Variants in CAVIN2 observed in about 807,000 individuals in gnomAD.
CAVIN2 encodes caveolae-associated protein 2.
In CAVIN2, 13 loss-of-function variants were observed where a neutral mutation model predicts 11.7. The observed-to-expected ratio is 1.11, with a 90% confidence interval of 0.72 to 1.77. The LOEUF is 1.77. Among genes scored for constraint, CAVIN2 ranks in the 40% most tolerant of loss-of-function variants. The pLI is 0.00. For synonymous variants in CAVIN2, 237 were observed against 223.2 expected (o/e 1.06, Z -0.55); for missense variants, 549 against 542.9 (o/e 1.01, Z -0.11).
chr2:191,837,619 G>A (rs1690041691), intron 1 of CAVIN2, among the ~76,000 whole-genome samples: 1 of 152,148 alleles, frequency 6.6e-6, no homozygotes, highest in Admixed American at 6.5e-5. Flanking sequence ...GGCTCCTCTT[G>A]GCTCTCAAGG....
At chr2:191,842,029 CT>C (rs1327529292) in intron 1 of CAVIN2, among the ~76,000 whole-genome samples, 1 of 152,132 alleles carries the variant, frequency 6.6e-6, no homozygotes, top group Non-Finnish European at 1.5e-5. Context: ...CTTTTATTAC[CT>C]ATATCCTCAT....
At chr2:191,838,164 G>A (rs558119655) in intron 1 of CAVIN2, among the ~76,000 whole-genome samples, 4 of 152,312 alleles carry the variant, frequency 2.6e-5, no homozygotes, top group Admixed American at 6.5e-5. Flanking sequence ...GGACTTAAAC[G>A]TCATGCAAAG....
In CAVIN2 at chr2:191,846,791, C is replaced by T; in HGVS notation, c.135G>A (p.Glu45=). 6.2e-7 allele frequency: 1 copy of T among 1,614,202 alleles called. No homozygotes were observed. Among genetic ancestry groups the T allele is most frequent in the Non-Finnish European group, 8.5e-7 (1 of 1,180,044 alleles). The change falls in exon 1 of 2, where the codon GAG becomes GAA. Residue 45 remains glutamate, a synonymous_variant. Coordinates refer to ENST00000304141, the MANE Select transcript of CAVIN2 (RefSeq NM_004657.6). ...SPSLNLGNTE[E]AIRDNSQVNA... ...TCACCTGTGAGTTGTCCCGGATGGC[C>T]TCCTCTGTGTTCCCTAGGTTCAGGC...
chr2:191,843,224 A>G lies in CAVIN2; in HGVS notation c.483+3219T>C, dbSNP rs1328241909. 2.0e-5 allele frequency among the ~76,000 whole-genome samples: 3 copies of G among 152,318 alleles called. No individual in the cohort carries two copies. In the East Asian group the frequency reaches 5.8e-4, roughly 29 times the overall value. On this transcript the variant is annotated intron_variant, in intron 1 of 1. Transcript: ENST00000304141. ...AAAAAATGTGTAAGTATCTTCAACC[A>G]CTAACCAAAACAGACCTGTAGATTT...
Position 191,835,942 on chromosome 2 carries a change from T to A in CAVIN2, c.1259A>T (p.Gln420Leu), listed in dbSNP as rs115084436. ...DGDPVQPAVL[Q>L]VHQTS ...CTAAGCTCAGGAGGTCTGGTGCACC[T>A]GGAGCACGGCGGGCTGCACGGGGTC... Residue 420 changes from glutamine to leucine, a missense_variant, in exon 2 of 2, where the codon CAG becomes CTG. Transcript: ENST00000304141. 2.5e-6 allele frequency: 4 copies of A among 1,612,834 alleles called. No homozygotes were observed. Among genetic ancestry groups the A allele is most frequent in the Non-Finnish European group, 3.4e-6 (4 of 1,179,770 alleles).
Position 191,846,526 on chromosome 2 carries a change from T to A in CAVIN2, c.400A>T (p.Arg134Trp). The A allele has an allele frequency of 1.2e-6, 2 of 1,614,264 alleles. No individual in the cohort carries two copies. The highest frequency in any genetic ancestry group is 1.7e-6 in the Non-Finnish European group (2 of 1,180,038). ...AGCCGCTTCACCTGTGCGCACTGCCTATCCATGCGCTCTTTGACCGCGCGC... is the reference window on the plus strand; with the variant it reads ...AGCCGCTTCACCTGTGCGCACTGCCAATCCATGCGCTCTTTGACCGCGCGC... The part of the protein sequence containing the change: ...HTRAVKERMD[R>W]QCAQVKRLEN... The change falls in exon 1 of 2, where the codon AGG becomes TGG. Residue 134 changes from arginine to tryptophan, a missense_variant. By Grantham distance (101) the Arg-to-Trp change is moderately radical (BLOSUM62 -3). Transcript: ENST00000304141.
intron 1 of CAVIN2, among the ~76,000 whole-genome samples, chr2:191,842,283 C>T (rs146402435): frequency 1.2e-4 from 19 of 152,266 alleles, no homozygotes; most frequent in African/African-American, 7.2e-5. Context: ...TTTATGTGGA[C>T]GAAAGTGTAA....
At chr2:191,841,312 A>C (rs1365745416) in intron 1 of CAVIN2, among the ~76,000 whole-genome samples, 1 of 152,236 alleles carries the variant, frequency 6.6e-6, no homozygotes, top group African/African-American at 2.4e-5. Context: ...AAACAAAAAA[A>C]CCAAAGCACA....
chr2:191,835,884 C>T lies in CAVIN2; in HGVS notation c.*39G>A, dbSNP rs764468583. On this transcript the variant is annotated 3_prime_UTR_variant, in exon 2 of 2. Coordinates refer to ENST00000304141, the MANE Select transcript of CAVIN2 (RefSeq NM_004657.6). ...AGTTTGTTCTTCAGCCCTGGCTGCCCGCTTGAGCACAGCACAGGATGGCAC... is the reference window on the plus strand; with the variant it reads ...AGTTTGTTCTTCAGCCCTGGCTGCCTGCTTGAGCACAGCACAGGATGGCAC... 6 of 1,568,582 alleles carry T rather than the reference C, an allele frequency of 3.8e-6. No individual in the cohort carries two copies. In the Admixed American group the frequency reaches 5.3e-5, roughly 14 times the overall value.
chr2:191,838,681 C>A (rs1574194423), intron 1 of CAVIN2, among the ~76,000 whole-genome samples: 1 of 152,292 alleles, frequency 6.6e-6, no homozygotes, highest in African/African-American at 2.4e-5. Context: ...TTTCAAGTTG[C>A]GGTTGCCTCT....
At position 191,835,864 on chromosome 2, in the gene CAVIN2, G is replaced by T; in HGVS notation, c.*59C>A. ...TCGTGCTGGAGATGTGCAAGAGTTT[G>T]TTCTTCAGCCCTGGCTGCCCGCTTG... On this transcript the variant is annotated 3_prime_UTR_variant, in exon 2 of 2. Coordinates refer to ENST00000304141, the MANE Select transcript of CAVIN2 (RefSeq NM_004657.6). The T allele has an allele frequency of 6.6e-7, 1 of 1,521,776 alleles. No individual in the cohort carries two copies. The highest frequency in any genetic ancestry group is 8.9e-7 in the Non-Finnish European group (1 of 1,128,862). The allele number at this position is 1,521,776 out of a possible 1,614,324, so 94.3% of individuals were successfully genotyped here.
intron 1 of CAVIN2, among the ~76,000 whole-genome samples, chr2:191,844,445 T>A (rs1286556239): frequency 6.6e-6 from 1 of 152,146 alleles, no homozygotes; most frequent in Non-Finnish European, 1.5e-5. Context: ...TTAAGAAAGG[T>A]CCAGTCACTT....
chr2:191,836,694 G>A lies in CAVIN2; in HGVS notation c.507C>T (p.Ser169=), dbSNP rs1690027371. 6.2e-7 allele frequency: 1 copy of A among 1,612,708 alleles called. No individual in the cohort carries two copies. Among genetic ancestry groups the A allele is most frequent in the South Asian group, 1.1e-5 (1 of 90,976 alleles). Residue 169 remains serine (S), a synonymous_variant, in exon 2 of 2, where the codon AGC becomes AGT. Coordinates refer to ENST00000304141, the MANE Select transcript of CAVIN2 (RefSeq NM_004657.6). The part of the protein sequence containing the change: ...IFQEENEIPA[S]VFVKQPVSGA... ...CGGAAACGGGCTGTTTCACAAACAC[G>A]CTGGCAGGGATCTCATTTTCCTCCT...
rs1270345790 is a variant in CAVIN2 at position 191,836,639 on chromosome 2, C to T, written c.562G>A (p.Asp188Asn). Residue 188 changes from aspartate to asparagine, a missense_variant, in exon 2 of 2, where the codon GAT (aspartate) becomes AAT (asparagine). Coordinates refer to ENST00000304141, the MANE Select transcript of CAVIN2 (RefSeq NM_004657.6). Reference sequence around the variant, plus strand: ...GTTTCCTCCAGGGATTTGTTTTCATCCGGAAGCTCCTCCTTCCCTTCCACG... The same window carrying T: ...GTTTCCTCCAGGGATTTGTTTTCATTCGGAAGCTCCTCCTTCCCTTCCACG... ...GAVEGKEELP[D>N]ENKSLEETLH... The T allele has an allele frequency of 1.2e-6, 2 of 1,614,116 alleles. No homozygotes were observed. The highest frequency in any genetic ancestry group is 4.5e-5 in the East Asian group (2 of 44,886).
At chr2:191,837,836 G>A (rs1690044095) in intron 1 of CAVIN2, among the ~76,000 whole-genome samples, 1 of 152,278 alleles carries the variant, frequency 6.6e-6, no homozygotes, top group Non-Finnish European at 1.5e-5. Context: ...AGTAGTGAAT[G>A]TGTGGCCAGA....
At position 191,847,048 on chromosome 2, in the gene CAVIN2, C is replaced by A; in HGVS notation, c.-123G>T. ...GAGCTCAGGGCACCAGTCTCCAGGA[C>A]TGGCAGAGGTTCAGACAGGCAACAA... On this transcript the variant is annotated 5_prime_UTR_variant, in exon 1 of 2. Transcript: ENST00000304141. 7.6e-7 allele frequency: 1 copy of A among 1,309,476 alleles called. No individual in the cohort carries two copies. Among genetic ancestry groups the A allele is most frequent in the Non-Finnish European group, 1.0e-6 (1 of 968,368 alleles). The allele number at this position is 1,309,476 out of a possible 1,614,324, so 81.1% of individuals were successfully genotyped here. A position where few individuals can be genotyped will look rare whatever the true frequency, so the allele number is the denominator to read the frequency against.
intron 1 of CAVIN2, among the ~76,000 whole-genome samples, chr2:191,837,111 CCA>C (rs2105735066): frequency 6.6e-6 from 1 of 152,284 alleles, no homozygotes; most frequent in South Asian, 2.1e-4. Context: ...TGCCAAAATC[CCA>C]CTGCAGGAGA....
intron 1 of CAVIN2, among the ~76,000 whole-genome samples, chr2:191,842,949 T>C (rs1227987742): frequency 6.6e-6 from 1 of 152,222 alleles, no homozygotes; most frequent in East Asian, 1.9e-4. Context: ...TTTGGGAGAC[T>C]GAGGCGGATG....
chr2:191,846,186 C>T (rs1295335724), intron 1 of CAVIN2, among the ~76,000 whole-genome samples: 1 of 152,232 alleles, frequency 6.6e-6, no homozygotes, highest in African/African-American at 2.4e-5. Context: ...CATCCAGGTG[C>T]TCCCTGACAA....
Sources: gnomAD v4.1 joint callset for allele counts (sites outside exome capture counted in the v4.1 genomes callset) on GRCh38, gnomAD v4.1.1 for gene constraint, MANE v1.5 for transcripts, NCBI Gene and HGNC (gene_info 2026-07-23, HGNC 2026-07-21) for gene names.